CHRNB3: variants seen among roughly 807,000 people sequenced by gnomAD.
CHRNB3 encodes the protein neuronal acetylcholine receptor subunit beta-3.
Under a neutral mutation model 40.6 loss-of-function variants are expected in CHRNB3, and 37 were observed. The observed-to-expected ratio is 0.91, with a 90% CI of 0.70 to 1.20. The LOEUF (loss-of-function observed/expected upper bound fraction) is 1.20. Among genes scored for constraint, CHRNB3 ranks in the 50% most tolerant of loss-of-function variants. CHRNB3 has a pLI of 0.00. For synonymous variants in CHRNB3, 207 were observed against 207.1 expected (o/e 1.00, Z 0.00); for missense variants, 505 against 551.2 (o/e 0.92, Z 0.84).
At chr8:42,697,637 GAATT>G in intron 1 of CHRNB3, 39 bp downstream of exon 1, 1 of 1,532,420 alleles carries the variant, frequency 6.5e-7, no homozygotes, top group Non-Finnish European at 9.0e-7. Context: ...TACAGTTGCA[GAATT>G]ATTTAAGCAG....
intron 5 of CHRNB3, among the ~76,000 whole-genome samples, chr8:42,735,227 A>T (rs906729204): frequency 1.5e-4 from 23 of 148,858 alleles, no homozygotes; most frequent in African/African-American, 5.5e-4. Context: ...CTCAAAAAAC[A>T]AACAAACAAA....
At chr8:42,719,071 A>G (rs544634958) in intron 3 of CHRNB3, among the ~76,000 whole-genome samples, 2 of 152,292 alleles carry the variant, frequency 1.3e-5, no homozygotes, top group African/African-American at 2.4e-5. Flanking sequence ...GCTAGAACAC[A>G]CTATGCAAAC....
At chr8:42,715,925 A>G (rs188025554) in intron 3 of CHRNB3, among the ~76,000 whole-genome samples, 2 of 151,702 alleles carry the variant, frequency 1.3e-5, no homozygotes, top group Admixed American at 1.3e-4. Context: ...CATCATATCA[A>G]GGTTAGGAAA....
chr8:42,734,693 A>G (rs1816491355), intron 5 of CHRNB3, among the ~76,000 whole-genome samples: 3 of 151,536 alleles, frequency 2.0e-5, no homozygotes, highest in Admixed American at 2.0e-4. Context: ...TGCTGGGATT[A>G]CAGGCCTGAG....
intron 3 of CHRNB3, among the ~76,000 whole-genome samples, chr8:42,716,698 C>T (rs78748045): frequency 0.018 from 2,748 of 152,090 alleles, 35 homozygotes; most frequent in Non-Finnish European, 0.023. Flanking sequence ...TGACATGGTG[C>T]CGTGGTGGCC....
intron 3 of CHRNB3, among the ~76,000 whole-genome samples, chr8:42,729,389 A>G (rs370675919): frequency 7.9e-5 from 12 of 152,238 alleles, no homozygotes; most frequent in African/African-American, 2.4e-4. Context: ...CAGCCTGGGC[A>G]ACAGAGCGAG....
At position 42,736,473 on chromosome 8, in the gene CHRNB3, C is replaced by T. The variant is rs750498520; in HGVS notation, c.1243-11C>T. On this transcript the variant is annotated splice_polypyrimidine_tract_variant and intron_variant, in intron 5 of 5. Coordinates refer to ENST00000289957, the MANE Select transcript of CHRNB3 (RefSeq NM_000749.5). ...TGTCTTGAGTGAAAGGCATCTTTTT[C>T]TCTTTTGCAGGTAGTACAAGACTGG... is the stretch of plus-strand genomic sequence containing the variant. 46 of 1,612,902 alleles carry T rather than the reference C, an allele frequency of 2.9e-5. No individual in the cohort carries two copies. In the East Asian group the frequency reaches 6.9e-4, roughly 24 times the overall value.
chr8:42,721,050 T>C (rs1816211057), intron 3 of CHRNB3, among the ~76,000 whole-genome samples: 1 of 152,222 alleles, frequency 6.6e-6, no homozygotes, highest in African/African-American at 2.4e-5. Flanking sequence ...AAGATGGACC[T>C]GGAGCATGAC....
rs568379466 is a variant in CHRNB3, at chr8:42,725,339, C to G, written c.250-5255C>G. ...TCCTGACCTCAGGTGATCTGCCCAC[C>G]TCGGCCTCCCAAAGTGCTGGGATTA... On this transcript the variant is annotated intron_variant, in intron 3 of 5. Coordinates refer to ENST00000289957, the MANE Select transcript of CHRNB3 (RefSeq NM_000749.5). 2.6e-5 allele frequency among the ~76,000 whole-genome samples: 4 copies of G among 152,122 alleles called. No individual in the cohort carries two copies. The South Asian group carries it at 8.3e-4, about 32-fold the overall frequency.
Position 42,708,752 on chromosome 8 carries a change from G to A in CHRNB3, c.88G>A (p.Asp30Asn). ...TTTCAACTCAATCGCCGAAAATGAAGATGCCCTCCTCAGACATTTGTTCCA... is the reference window on the plus strand; with the variant it reads ...TTTCAACTCAATCGCCGAAAATGAAAATGCCCTCCTCAGACATTTGTTCCA... ...TGFNSIAENE[D>N]ALLRHLFQGY... The change falls in exon 2 of 6, where the codon GAT becomes AAT. Residue 30 changes from aspartate to asparagine, a missense_variant. Transcript: ENST00000289957. 5 of 1,614,010 alleles carry A rather than the reference G, an allele frequency of 3.1e-6. No homozygotes were observed. The highest frequency in any genetic ancestry group is 4.2e-6 in the Non-Finnish European group (5 of 1,179,986).
chr8:42,713,191 C>T (rs543231322), intron 3 of CHRNB3, among the ~76,000 whole-genome samples: 3 of 152,040 alleles, frequency 2.0e-5, no homozygotes, highest in African/African-American at 7.2e-5. Flanking sequence ...GGACTCTGGG[C>T]CTTCACATGG....
chr8:42,703,475 G>T (rs1425575101), intron 1 of CHRNB3, among the ~76,000 whole-genome samples: 1 of 121,178 alleles, frequency 8.3e-6, no homozygotes, highest in African/African-American at 2.6e-5. Context: ...TCCACAATGG[G>T]GGACACTCAT....
intron 3 of CHRNB3, among the ~76,000 whole-genome samples, chr8:42,716,531 C>T (rs894483916): frequency 4.6e-5 from 7 of 152,070 alleles, no homozygotes; most frequent in African/African-American, 1.7e-4. Context: ...ACCAGCAGTG[C>T]GCCCAGGCTA....
intron 3 of CHRNB3, among the ~76,000 whole-genome samples, chr8:42,724,123 G>A (rs891900894): frequency 2.0e-5 from 3 of 152,070 alleles, no homozygotes; most frequent in Non-Finnish European, 4.4e-5. Context: ...TAGGCTGGGC[G>A]CAGTGGCTCA....
chr8:42,698,371 C>T (rs1048603272), intron 1 of CHRNB3, among the ~76,000 whole-genome samples: 1 of 152,230 alleles, frequency 6.6e-6, no homozygotes, highest in Non-Finnish European at 1.5e-5. Flanking sequence ...CAGAAACCAT[C>T]TGAAACCGCA....
rs1350209439 is a variant in CHRNB3 at position 42,732,220 on chromosome 8, A to AT, written c.918dup (p.Val307CysfsTer13). ...TGGAGAGTACCTGCTGTTCATCATG[A>AT]TTTTTGTGACCCTGTCCATCATTGT... On this transcript the variant is annotated frameshift_variant, in exon 5 of 6. Transcript: ENST00000289957. LOFTEE classifies it high-confidence loss of function. The AT allele has an allele frequency of 2.5e-6, 4 of 1,610,198 alleles. No homozygotes were observed. The highest frequency in any genetic ancestry group is 3.4e-6 in the Non-Finnish European group (4 of 1,178,854).
At chr8:42,725,883 A>G in intron 3 of CHRNB3, 2 of 828,858 alleles carry the variant, frequency 2.4e-6, no homozygotes, top group East Asian at 2.4e-5. Flanking sequence ...AGACACCACT[A>G]AAAATTTTCT....
rs557269316 is a variant in CHRNB3 at position 42,725,369 on chromosome 8, C to T, written c.250-5225C>T. Among the ~76,000 whole-genome samples, 35 of 152,130 alleles carry T rather than the reference C, an allele frequency of 2.3e-4. No homozygotes were observed. The East Asian group carries it at 5.8e-3, about 25-fold the overall frequency. ...CCTCCCAAAGTGCTGGGATTACAGG[C>T]GTGAGCCACCGCACCCGGCCAGCTA... is the stretch of plus-strand genomic sequence containing the variant. On this transcript the variant is annotated intron_variant, in intron 3 of 5. Coordinates refer to ENST00000289957, the MANE Select transcript of CHRNB3 (RefSeq NM_000749.5).
chr8:42,733,592 C>CTTTTTTTT (rs1208342996), intron 5 of CHRNB3, among the ~76,000 whole-genome samples: 2 of 101,048 alleles, frequency 2.0e-5, no homozygotes, highest in African/African-American at 4.0e-5. Flanking sequence ...CATCCTTCTT[C>CTTTTTTTT]TTTTTTTTTT....
Sources: allele counts gnomAD v4.1 joint callset (sites outside exome capture counted in the v4.1 genomes callset), GRCh38; gene constraint gnomAD v4.1.1; transcripts MANE v1.5; gene names NCBI Gene and HGNC (gene_info 2026-07-23, HGNC 2026-07-21).